GRIP1: variants seen among roughly 807,000 people sequenced by gnomAD.
GRIP1 encodes glutamate receptor interacting protein 1, also known as glutamate receptor-interacting protein 1.
Under a neutral mutation model 129.9 loss-of-function variants are expected in GRIP1, and 45 were observed. The ratio of observed to expected loss-of-function variants is 0.35; its 90% CI spans 0.27 to 0.44. GRIP1 has a LOEUF of 0.44. Among genes scored for constraint, GRIP1 ranks in the 20% least tolerant of loss-of-function variants. The pLI is 1.00. For synonymous variants in GRIP1, 530 were observed against 520.8 expected, an observed-to-expected ratio of 1.02 and a Z score of -0.24; for missense variants, 1,196 against 1,396.8, an observed-to-expected ratio of 0.86 and a Z score of 2.29.
chr12:66,699,467 C>T (rs2035276160), intron 1 of GRIP1, among the ~76,000 whole-genome samples: 1 of 152,110 alleles, frequency 6.6e-6, no homozygotes, highest in Non-Finnish European at 1.5e-5. Flanking sequence ...GTGAATAAGT[C>T]TCATGAGATC....
chr12:66,894,235 C>A (rs1034728362), intron 1 of GRIP1, among the ~76,000 whole-genome samples: 1 of 152,104 alleles, frequency 6.6e-6, no homozygotes, highest in African/African-American at 2.4e-5. Context: ...GAGGAAAGCC[C>A]TAGAGAGTAC....
intron 2 of GRIP1, among the ~76,000 whole-genome samples, chr12:66,579,030 C>T (rs1258901095): frequency 6.6e-6 from 1 of 152,128 alleles, no homozygotes; most frequent in Admixed American, 6.5e-5. Context: ...AGACTGACAC[C>T]TAACACAGCC....
chr12:66,584,883 C>G (rs2063555522), intron 2 of GRIP1, among the ~76,000 whole-genome samples: 2 of 151,846 alleles, frequency 1.3e-5, no homozygotes, highest in Non-Finnish European at 2.9e-5. Flanking sequence ...ATGACCTCAC[C>G]TCTTATTTCA....
At chr12:66,914,714 A>G (rs2041090421) in intron 1 of GRIP1, among the ~76,000 whole-genome samples, 2 of 152,232 alleles carry the variant, frequency 1.3e-5, no homozygotes, top group Non-Finnish European at 2.9e-5. Flanking sequence ...TTCAGAGTAC[A>G]TAAAGTTTTA....
chr12:66,702,311 C>T (rs1216125126), intron 1 of GRIP1, among the ~76,000 whole-genome samples: 1 of 152,138 alleles, frequency 6.6e-6, no homozygotes, highest in African/African-American at 2.4e-5. Flanking sequence ...CACTGTGATG[C>T]AATGATATTT....
chr12:66,662,412 T>G (rs1039053491), intron 1 of GRIP1, among the ~76,000 whole-genome samples: 3 of 152,190 alleles, frequency 2.0e-5, no homozygotes, highest in African/African-American at 7.2e-5. Flanking sequence ...CCTGTTTAAC[T>G]TCACATCTTT....
chr12:66,939,532 C>G (rs571160554), intron 1 of GRIP1, among the ~76,000 whole-genome samples: 1 of 152,092 alleles, frequency 6.6e-6, no homozygotes, highest in African/African-American at 2.4e-5. Flanking sequence ...AAAAGTTAGG[C>G]CCTGAAGTCA....
chr12:66,720,317 T>A (rs1188741067), intron 1 of GRIP1, among the ~76,000 whole-genome samples: 1 of 152,210 alleles, frequency 6.6e-6, no homozygotes, highest in Non-Finnish European at 1.5e-5. Flanking sequence ...ATGCTAACCA[T>A]CATCTGAGCC....
intron 14 of GRIP1, among the ~76,000 whole-genome samples, chr12:66,427,422 T>TA (rs913016353): frequency 6.6e-6 from 1 of 151,516 alleles, no homozygotes; most frequent in Non-Finnish European, 1.5e-5. Context: ...CATAGAAGTA[T>TA]AAAAAAAATA....
At chr12:66,354,787 A>G (rs139308445) in intron 23 of GRIP1, among the ~76,000 whole-genome samples, 288 of 152,322 alleles carry the variant, frequency 1.9e-3, no homozygotes, top group African/African-American at 6.7e-3. Flanking sequence ...ATTTTACTTC[A>G]GAGGGCTATG....
chr12:66,708,210 G>C (rs2035598631), intron 1 of GRIP1, among the ~76,000 whole-genome samples: 1 of 151,948 alleles, frequency 6.6e-6, no homozygotes, highest in African/African-American at 2.4e-5. Flanking sequence ...ACAGTAGGGA[G>C]AATGGAATGA....
At chr12:66,498,585 C>A (rs77888896) in intron 7 of GRIP1, among the ~76,000 whole-genome samples, 7,937 of 152,054 alleles carry the variant, frequency 0.052, 293 homozygotes, top group South Asian at 0.13. Flanking sequence ...TTATAAAATA[C>A]CTTGAACATC....
chr12:66,490,082 T>G (rs2060064760), intron 7 of GRIP1, among the ~76,000 whole-genome samples: 1 of 152,142 alleles, frequency 6.6e-6, no homozygotes, highest in African/African-American at 2.4e-5. Context: ...TCAATGTTAT[T>G]CCCATTAAAC....
chr12:66,872,837 A>G (rs977641107), intron 1 of GRIP1, among the ~76,000 whole-genome samples: 10 of 152,158 alleles, frequency 6.6e-5, no homozygotes, highest in Non-Finnish European at 1.5e-4. Flanking sequence ...CCAAAACTTA[A>G]TAACAATGAT....
At chr12:66,964,922 G>A (rs899142414) in intron 1 of GRIP1, among the ~76,000 whole-genome samples, 1 of 152,234 alleles carries the variant, frequency 6.6e-6, no homozygotes, top group Admixed American at 6.5e-5. Flanking sequence ...TTACACGGAT[G>A]TTTCTGGTGT....
chr12:67,048,136 T>G (rs2135837903), intron 1 of GRIP1, among the ~76,000 whole-genome samples: 1 of 151,842 alleles, frequency 6.6e-6, no homozygotes, highest in African/African-American at 2.4e-5. Flanking sequence ...GAGCTTCCTC[T>G]AGTCTTATTT....
At chr12:66,589,194 T>C (rs76650031) in intron 2 of GRIP1, among the ~76,000 whole-genome samples, 7 of 95,624 alleles carry the variant, frequency 7.3e-5, no homozygotes, top group South Asian at 4.6e-4. Context: ...CTCCCCCACC[T>C]TCTCTCTCTC....
chr12:67,066,235 C>T lies in GRIP1; in HGVS notation c.58+2815G>A, dbSNP rs147967012. Among the ~76,000 whole-genome samples the T allele has an allele frequency of 9.2e-3, 1,398 of 151,516 alleles. 15 individuals carry two copies. Among genetic ancestry groups the T allele is most frequent in the Middle Eastern group, 0.034 (10 of 290 alleles). On this transcript the variant is annotated intron_variant, in intron 1 of 1. Coordinates refer to the GRIP1 transcript ENST00000643019. The stretch of plus-strand genomic sequence containing the variant: ...TACGACATGAAATTACATAGAACAA[C>T]CAAGCCTCTTTTTGTATGCGGCAAT...
chr12:66,472,644 T>A (rs564565676), intron 7 of GRIP1, among the ~76,000 whole-genome samples: 1 of 152,268 alleles, frequency 6.6e-6, no homozygotes, highest in South Asian at 2.1e-4. Context: ...TCACTGGGAC[T>A]GGTTAGACAG....
Sources: gnomAD v4.1 joint callset for allele counts (sites outside exome capture counted in the v4.1 genomes callset) on GRCh38, gnomAD v4.1.1 for gene constraint, MANE v1.5 for transcripts, NCBI Gene and HGNC (gene_info 2026-07-23, HGNC 2026-07-21) for gene names.